Variants in APOBEC3H observed in about 807,000 individuals in gnomAD.
APOBEC3H encodes the protein DNA dC->dU-editing enzyme APOBEC-3H.
In APOBEC3H, 8 loss-of-function variants were observed where a neutral mutation model predicts 21.2. That is an observed-to-expected ratio of 0.38 (90% CI 0.22 to 0.68). The LOEUF (loss-of-function observed/expected upper bound fraction) is 0.68, where lower values mean the gene tolerates loss of function less well. Among genes scored for constraint, APOBEC3H ranks in the 30% least tolerant of loss-of-function variants. The pLI, the probability that APOBEC3H is intolerant of heterozygous loss-of-function variation, is 0.52. For missense variants in APOBEC3H, 229 were observed against 228.1 expected, an observed-to-expected ratio of 1.00 and a Z score of -0.03; for synonymous variants, 88 against 91.0, an observed-to-expected ratio of 0.97 and a Z score of 0.19.
chr22:39,102,740 G>A (rs890233878), intron 4 of APOBEC3H: 24 of 570,562 alleles, frequency 4.2e-5, no homozygotes, highest in Non-Finnish European at 3.5e-5. Context: ...AGTGGCTCAC[G>A]CCTGTAGTCC....
chr22:39,101,822 A>T (rs1929372182), intron 3 of APOBEC3H, 96 bp from the exon 4 acceptor site: 1 of 1,565,570 alleles, frequency 6.4e-7, no homozygotes, highest in Non-Finnish European at 8.8e-7. Context: ...AGCAATGTCC[A>T]GGGAGAGGAA....
chr22:39,102,063 C>T, intron 4 of APOBEC3H, 21 bp downstream of exon 4: 1 of 1,610,238 alleles, frequency 6.2e-7, no homozygotes, highest in Non-Finnish European at 8.5e-7. Context: ...GTCCTGCCTG[C>T]TGCCCCCGAC....
At chr22:39,102,480 C>G in intron 4 of APOBEC3H, 1 of 714,368 alleles carries the variant, frequency 1.4e-6, no homozygotes, top group African/African-American at 1.8e-5. Context: ...GTGTTCTCCT[C>G]TCGCACCAGG....
At chr22:39,098,147 C>G (rs1024042526) in intron 1 of APOBEC3H, among the ~76,000 whole-genome samples, 3 of 152,316 alleles carry the variant, frequency 2.0e-5, no homozygotes, top group African/African-American at 7.2e-5. Context: ...GAGAATGGCC[C>G]CTGCAGGCCT....
chr22:39,101,869 C>T (rs1043834608), intron 3 of APOBEC3H, 49 bp from the exon 4 acceptor site: 1 of 1,613,578 alleles, frequency 6.2e-7, no homozygotes, highest in Non-Finnish European at 8.5e-7. Context: ...GCTCCTGGCA[C>T]TGCAGCTGCT....
chr22:39,102,142 T>A (rs761823004), intron 4 of APOBEC3H, 100 bp downstream of exon 4: 239 of 1,371,358 alleles, frequency 1.7e-4, no homozygotes, highest in Non-Finnish European at 2.1e-4. Flanking sequence ...CCTACCTTTT[T>A]TTCTTTTCTT....
chr22:39,099,899 G>A (rs1467695278), intron 1 of APOBEC3H, among the ~76,000 whole-genome samples: 4 of 152,330 alleles, frequency 2.6e-5, no homozygotes, highest in Non-Finnish European at 2.9e-5. Context: ...TTGGCTGGGC[G>A]CAGGGGCTCA....
intron 2 of APOBEC3H, 73 bp from the exon 3 acceptor site, chr22:39,101,164 C>T (rs1929296331): frequency 3.0e-6 from 2 of 667,852 alleles, no homozygotes; most frequent in African/African-American, 1.9e-5. Flanking sequence ...CCGTCCCGGC[C>T]CCCGCCCCCA....
At chr22:39,102,954 C>G (rs2146327240) in intron 4 of APOBEC3H, among the ~76,000 whole-genome samples, 1 of 119,644 alleles carries the variant, frequency 8.4e-6, no homozygotes, top group African/African-American at 3.2e-5. Flanking sequence ...CAAAGCAAGA[C>G]TCTGTCCCAA....
chr22:39,098,102 A>G (rs2146312645), intron 1 of APOBEC3H, among the ~76,000 whole-genome samples: 2 of 152,066 alleles, frequency 1.3e-5, no homozygotes, highest in South Asian at 4.2e-4. Context: ...AGGTTACCCC[A>G]CCTCTCTGCA....
chr22:39,101,720 CG>C (rs1308078591), intron 3 of APOBEC3H, among the ~76,000 whole-genome samples, 197 bp from the exon 4 acceptor site: 5 of 16,788 alleles, frequency 3.0e-4, no homozygotes, highest in South Asian at 3.2e-3. Flanking sequence ...TGGCGGGGAG[CG>C]GGGGGTCTGT....
intron 3 of APOBEC3H, among the ~76,000 whole-genome samples, 166 bp from the exon 4 acceptor site, chr22:39,101,752 T>C (rs1000653300): frequency 1.4e-5 from 2 of 148,076 alleles, no homozygotes; most frequent in East Asian, 2.0e-4. Context: ...GAAGGAAGGA[T>C]TGTGGCTCAG....
chr22:39,097,602 T>G (rs1158400018), intron 1 of APOBEC3H, among the ~76,000 whole-genome samples: 1 of 152,234 alleles, frequency 6.6e-6, no homozygotes, highest in African/African-American at 2.4e-5. Flanking sequence ...GAGTCATGGC[T>G]GGGCTAGTGC....
At chr22:39,100,513 T>C in intron 2 of APOBEC3H, 85 bp downstream of exon 2, 1 of 1,520,038 alleles carries the variant, frequency 6.6e-7, no homozygotes, top group Admixed American at 2.2e-5. Context: ...TGCCTGCCTA[T>C]AAATTTCTCA....
chr22:39,103,666 T>C, intron 4 of APOBEC3H, 23 bp from the exon 5 acceptor site: 17 of 1,613,518 alleles, frequency 1.1e-5, no homozygotes, highest in Non-Finnish European at 1.4e-5. Flanking sequence ...TGGTACCTCC[T>C]AACTTCTCTC....
At position 39,100,363 on chromosome 22, in the gene APOBEC3H, C is replaced by G; in HGVS notation, c.85C>G (p.Leu29Val). Residue 29 changes from leucine to valine, a missense_variant, in exon 2 of 5, where the codon CTC becomes GTC. Leu to Val is a conservative substitution (Grantham distance 32, BLOSUM62 1). Coordinates refer to ENST00000442487, the MANE Select transcript of APOBEC3H (RefSeq NM_181773.5). ...AAGGCCTTACTACCCGAGGAAGGCCCTCTTGTGTTACCAGCTGACGCCGCA... is the reference window on the plus strand; with the variant it reads ...AAGGCCTTACTACCCGAGGAAGGCCGTCTTGTGTTACCAGCTGACGCCGCA... Reference protein sequence around the residue: ...LRRPYYPRKALLCYQLTPQNG... With the variant: ...LRRPYYPRKAVLCYQLTPQNG... 6.2e-7 allele frequency: 1 copy of G among 1,614,148 alleles called. No homozygotes were observed. Among genetic ancestry groups the G allele is most frequent in the Non-Finnish European group, 8.5e-7 (1 of 1,180,020 alleles).
intron 1 of APOBEC3H, among the ~76,000 whole-genome samples, chr22:39,099,834 G>A (rs1929195485): frequency 2.0e-5 from 3 of 152,042 alleles, no homozygotes; most frequent in African/African-American, 7.2e-5. Flanking sequence ...AACAACTAAA[G>A]GGGAGACCCT....
intron 4 of APOBEC3H, chr22:39,102,546 A>C (rs1258367870): frequency 5.6e-6 from 4 of 718,232 alleles, no homozygotes; most frequent in South Asian, 3.0e-5. Flanking sequence ...CGTTACATGG[A>C]TATATTGTGT....
rs765315072 is a variant in APOBEC3H at position 39,101,258 on chromosome 22, T to C, written c.172T>C (p.Cys58Arg). The C allele has an allele frequency of 6.2e-7, 1 of 1,612,346 alleles. No individual in the cohort carries two copies. The highest frequency in any genetic ancestry group is 8.5e-7 in the Non-Finnish European group (1 of 1,179,112). ...CCAGAAAAAGTGCCATGCAGAAATT[T>C]GCTTTATTAACGAGATCAAGTCCAT... ...ENKKKCHAEI[C>R]FINEIKSMGL... is the part of the protein sequence containing the mutation. Residue 58 changes from cysteine to arginine, a missense_variant, in exon 3 of 5, where the codon TGC (cysteine) becomes CGC (arginine). Transcript: ENST00000442487.
Sources: gnomAD v4.1 joint callset for allele counts (sites outside exome capture counted in the v4.1 genomes callset) on GRCh38, gnomAD v4.1.1 for gene constraint, MANE v1.5 for transcripts, NCBI Gene and HGNC (gene_info 2026-07-23, HGNC 2026-07-21) for gene names.